Variants in BLOC1S5 observed in about 807,000 individuals in gnomAD.
BLOC1S5 encodes biogenesis of lysosome-related organelles complex 1 subunit 5.
A neutral mutation model predicts 24.3 loss-of-function variants in BLOC1S5; 27 were observed. The ratio of observed to expected loss-of-function variants is 1.11; its 90% CI spans 0.82 to 1.53. The LOEUF (loss-of-function observed/expected upper bound fraction) is 1.53. BLOC1S5 is among the 40% of genes most tolerant of loss of function. The pLI is 0.00. For missense variants in BLOC1S5, 239 were observed against 229.4 expected (o/e 1.04, Z -0.27); for synonymous variants, 84 against 74.5 (o/e 1.13, Z -0.66).
intron 2 of BLOC1S5, 100 bp from the exon 3 acceptor site, chr6:8,041,368 G>A (rs1162276907): frequency 4.4e-5 from 53 of 1,205,416 alleles, no homozygotes; most frequent in Middle Eastern, 3.0e-4. Context: ...ACTGGAGTGC[G>A]GTGGTGTGAT....
chr6:8,055,932 G>C (rs946658758), intron 2 of BLOC1S5, among the ~76,000 whole-genome samples: 1 of 152,128 alleles, frequency 6.6e-6, no homozygotes, highest in Admixed American at 6.5e-5. Flanking sequence ...TGGGAGGTGG[G>C]GTCTGGGCCT....
intron 4 of BLOC1S5, chr6:8,017,897 G>C (rs1382893022): frequency 6.6e-6 from 1 of 152,198 alleles, no homozygotes; most frequent in Non-Finnish European, 1.5e-5. Context: ...TACGTAGGTA[G>C]CTAAAAATCC....
At position 8,014,995 on chromosome 6, in the gene BLOC1S5, A is replaced by G. The variant is rs924144188; in HGVS notation, c.*654T>C. The G allele has an allele frequency of 5.2e-5, 8 of 152,696 alleles. No individual in the cohort carries two copies. Among genetic ancestry groups the G allele is most frequent in the African/African-American group, 1.9e-4 (8 of 41,470 alleles). 9.5% of individuals were successfully genotyped at this position (152,696 alleles called of 1,614,324 possible). ...AAAATAGTAAGTGCTGGAAGGCCAC[A>G]AAACTTAACATGTGTCTTCCCATCC... On this transcript the variant is annotated 3_prime_UTR_variant, in exon 5 of 5. Coordinates refer to ENST00000397457, the MANE Select transcript of BLOC1S5 (RefSeq NM_201280.3).
In BLOC1S5 at chr6:8,052,053, G is replaced by A. The variant is rs374149990; in HGVS notation, c.195+10481C>T. Among the ~76,000 whole-genome samples the A allele has an allele frequency of 7.1e-4, 95 of 133,618 alleles. No individual in the cohort carries two copies. In the East Asian group the frequency reaches 0.012, roughly 17 times the overall value. 87.7% of individuals were successfully genotyped at this position (133,618 alleles called of 152,430 possible). A position where few individuals can be genotyped will look rare whatever the true frequency, so the allele number is the denominator to read the frequency against. On this transcript the variant is annotated intron_variant, in intron 2 of 4. Coordinates refer to ENST00000397457, the MANE Select transcript of BLOC1S5 (RefSeq NM_201280.3). ...GCGATCTCGGCTCACTGCAAGCTCC[G>A]CCTCCCGGGTTCACGCCATTCTCCT... is the stretch of plus-strand genomic sequence containing the variant.
Position 8,014,455 on chromosome 6 carries a change from G to C in BLOC1S5, c.*1194C>G, listed in dbSNP as rs1300635453. 6.6e-6 allele frequency: 1 copy of C among 152,146 alleles called. No homozygotes were observed. Among genetic ancestry groups the C allele is most frequent in the African/African-American group, 2.4e-5 (1 of 41,402 alleles). 9.4% of individuals were successfully genotyped at this position (152,146 alleles called of 1,614,324 possible). ...TGCCGGGCTAATTTTTGTATTTTTA[G>C]TAGAGACGGGGTTTCACCATGTTGG... is the stretch of plus-strand genomic sequence containing the variant. On this transcript the variant is annotated 3_prime_UTR_variant, in exon 5 of 5. Coordinates refer to ENST00000397457, the MANE Select transcript of BLOC1S5 (RefSeq NM_201280.3).
chr6:8,029,914 G>GA (rs1170704282), intron 3 of BLOC1S5, among the ~76,000 whole-genome samples: 6 of 152,130 alleles, frequency 3.9e-5, no homozygotes, highest in Non-Finnish European at 7.4e-5. Context: ...CAAGACAGAG[G>GA]AGATGGGAAT....
chr6:8,049,736 G>A (rs1483998051), intron 2 of BLOC1S5, among the ~76,000 whole-genome samples: 1 of 150,754 alleles, frequency 6.6e-6, no homozygotes, highest in South Asian at 2.1e-4. Context: ...TTTTGAGATA[G>A]GGTCTCACTC....
At chr6:8,048,302 G>A (rs1763972765) in intron 2 of BLOC1S5, among the ~76,000 whole-genome samples, 1 of 152,164 alleles carries the variant, frequency 6.6e-6, no homozygotes, top group South Asian at 2.1e-4. Context: ...CTCTGGACTT[G>A]GAATGAGCAG....
rs1764532875 is a variant in BLOC1S5 at position 8,062,083 on chromosome 6, T to C, written c.195+451A>G. Among the ~76,000 whole-genome samples the C allele has an allele frequency of 2.0e-5, 3 of 152,160 alleles. No individual in the cohort carries two copies. The South Asian group carries it at 6.2e-4, about 31-fold the overall frequency. On this transcript the variant is annotated intron_variant, in intron 2 of 4. Coordinates refer to ENST00000397457, the MANE Select transcript of BLOC1S5 (RefSeq NM_201280.3). ...GACATTTATGAGGTAAACATCTAGG[T>C]AACGTCTAAAAGATGGGGTCACTGA...
Position 8,017,074 on chromosome 6 carries a change from T to A in BLOC1S5, c.385-1246A>T, listed in dbSNP as rs148469047. ...AAATGCTGTATAAATAAAAAAGGTATGAATTTAGTTTTCTCCCCCCTTCCA... is the reference window on the plus strand; with the variant it reads ...AAATGCTGTATAAATAAAAAAGGTAAGAATTTAGTTTTCTCCCCCCTTCCA... On this transcript the variant is annotated intron_variant, in intron 4 of 4. Transcript: ENST00000397457. Among the ~76,000 whole-genome samples, 176 of 152,226 alleles carry A rather than the reference T, an allele frequency of 1.2e-3. 2 individuals are homozygous for A. Among genetic ancestry groups the A allele is most frequent in the African/African-American group, 4.1e-3 (169 of 41,528 alleles).
chr6:8,035,600 A>G (rs1763460528), intron 3 of BLOC1S5, among the ~76,000 whole-genome samples: 3 of 152,210 alleles, frequency 2.0e-5, no homozygotes, highest in African/African-American at 7.2e-5. Flanking sequence ...CTTACATCAA[A>G]TAAAACAGAC....
At chr6:8,030,530 C>T (rs1296943904) in intron 3 of BLOC1S5, among the ~76,000 whole-genome samples, 2 of 151,568 alleles carry the variant, frequency 1.3e-5, no homozygotes, top group African/African-American at 4.8e-5. Flanking sequence ...CTGAAAAATC[C>T]ATTACAGACT....
At chr6:8,048,411 C>T (rs547832868) in intron 2 of BLOC1S5, among the ~76,000 whole-genome samples, 15 of 152,148 alleles carry the variant, frequency 9.9e-5, no homozygotes, top group South Asian at 4.2e-4. Context: ...AACTTTTCAG[C>T]GGAGAAGGCT....
chr6:8,062,742 A>G (rs2113614420), intron 1 of BLOC1S5, 126 bp from the exon 2 acceptor site: 2 of 603,130 alleles, frequency 3.3e-6, no homozygotes, highest in Middle Eastern at 2.6e-4. Context: ...TGGACTAAGA[A>G]GAAATCTCAT....
intron 2 of BLOC1S5, among the ~76,000 whole-genome samples, chr6:8,043,234 T>C (rs80342261): frequency 0.039 from 5,948 of 152,168 alleles, 371 homozygotes; most frequent in African/African-American, 0.13. Context: ...TAACTTGCTT[T>C]CAAAGAATAG....
intron 2 of BLOC1S5, among the ~76,000 whole-genome samples, chr6:8,048,476 C>G (rs1458449889): frequency 6.6e-6 from 1 of 151,574 alleles, no homozygotes; most frequent in African/African-American, 2.4e-5. Context: ...TACTGATAGT[C>G]AAACTTAAAT....
intron 2 of BLOC1S5, among the ~76,000 whole-genome samples, chr6:8,043,981 C>G (rs1239877864): frequency 6.6e-6 from 1 of 152,056 alleles, no homozygotes; most frequent in African/African-American, 2.4e-5. Flanking sequence ...TTGCTACCAC[C>G]ATGTTAAGAA....
chr6:8,027,390 A>T (rs75004350), intron 3 of BLOC1S5: 1 of 456,746 alleles, frequency 2.2e-6, no homozygotes, highest in East Asian at 6.9e-5. Context: ...TCAGCAACTT[A>T]GTTCCTCATC....
rs531828276 is a variant in BLOC1S5 at position 8,040,895 on chromosome 6, T to C, written c.325+244A>G. ...AATTTGTAAAAATAGGTGAAAACTG[T>C]TTTGACTTTCTCACATACTAAACAG... On this transcript the variant is annotated intron_variant, in intron 3 of 4. Transcript: ENST00000397457. 1.7e-4 allele frequency among the ~76,000 whole-genome samples: 26 copies of C among 152,120 alleles called. No homozygotes were observed. In the South Asian group the frequency reaches 5.4e-3, roughly 32 times the overall value.
Sources: gnomAD v4.1 joint callset for allele counts (sites outside exome capture counted in the v4.1 genomes callset) on GRCh38, gnomAD v4.1.1 for gene constraint, MANE v1.5 for transcripts, NCBI Gene and HGNC (gene_info 2026-07-23, HGNC 2026-07-21) for gene names.